SORCS1: variants seen among roughly 807,000 people sequenced by gnomAD.
SORCS1 encodes VPS10 domain-containing receptor SorCS1.
A neutral mutation model predicts 146.1 loss-of-function variants in SORCS1; 60 were observed. The observed-to-expected ratio is 0.41, with a 90% CI of 0.33 to 0.51. The LOEUF (loss-of-function observed/expected upper bound fraction) is 0.51. Ranked by LOEUF, SORCS1 falls within the 20% of genes least tolerant of loss-of-function variation. SORCS1 has a pLI of 0.21. For synonymous variants in SORCS1, 637 were observed against 584.0 expected, an observed-to-expected ratio of 1.09 and a Z score of -1.31; for missense variants, 1,352 against 1,487.6, an observed-to-expected ratio of 0.91 and a Z score of 1.50.
intron 5 of SORCS1, among the ~76,000 whole-genome samples, chr10:106,735,599 T>C (rs1856893770): frequency 6.6e-6 from 1 of 152,106 alleles, no homozygotes; most frequent in African/African-American, 2.4e-5. Context: ...TACAGACAAA[T>C]AGCAGGTACT....
chr10:107,083,952 G>C (rs1363828845), intron 1 of SORCS1, among the ~76,000 whole-genome samples: 1 of 152,044 alleles, frequency 6.6e-6, no homozygotes, highest in Non-Finnish European at 1.5e-5. Context: ...CTCAGGTTTG[G>C]ATTACTCTGA....
chr10:106,897,256 C>T (rs1031775581), intron 2 of SORCS1, among the ~76,000 whole-genome samples: 3 of 152,026 alleles, frequency 2.0e-5, no homozygotes, highest in Admixed American at 1.3e-4. Flanking sequence ...TCACAGTTCT[C>T]TAGACTCAAG....
intron 1 of SORCS1, among the ~76,000 whole-genome samples, chr10:107,028,838 C>T (rs183834050): frequency 2.0e-5 from 3 of 152,300 alleles, no homozygotes; most frequent in Admixed American, 2.0e-4. Flanking sequence ...ATGCTTACTT[C>T]TAAATCAAGG....
chr10:107,072,768 G>A (rs1590071034), intron 1 of SORCS1, among the ~76,000 whole-genome samples: 1 of 146,258 alleles, frequency 6.8e-6, no homozygotes, highest in East Asian at 2.0e-4. Context: ...AAGAACCACC[G>A]AGATAACAAG....
intron 18 of SORCS1, among the ~76,000 whole-genome samples, chr10:106,634,006 C>T (rs1287510895): frequency 6.6e-6 from 1 of 152,166 alleles, no homozygotes; most frequent in Non-Finnish European, 1.5e-5. Flanking sequence ...ATAGCACAAG[C>T]AGATGCTATT....
chr10:106,605,317 C>T (rs972956986), intron 23 of SORCS1, among the ~76,000 whole-genome samples: 13 of 152,100 alleles, frequency 8.5e-5, no homozygotes, highest in African/African-American at 2.9e-4. Flanking sequence ...CAGAATGGAC[C>T]CCTCTTCTTT....
chr10:106,723,417 A>ACACG (rs1855920678), intron 6 of SORCS1, among the ~76,000 whole-genome samples: 2 of 151,820 alleles, frequency 1.3e-5, no homozygotes, highest in Non-Finnish European at 2.9e-5. Flanking sequence ...ACACACACAC[A>ACACG]CAGAATATTT....
intron 14 of SORCS1, among the ~76,000 whole-genome samples, chr10:106,673,223 C>G (rs1851744586): frequency 6.6e-6 from 1 of 151,742 alleles, no homozygotes; most frequent in African/African-American, 2.4e-5. Flanking sequence ...CCCCTGACTC[C>G]CTGGTTCAAG....
chr10:107,128,434 T>C (rs1966830297), intron 1 of SORCS1, among the ~76,000 whole-genome samples: 2 of 152,194 alleles, frequency 1.3e-5, no homozygotes, highest in Non-Finnish European at 2.9e-5. Flanking sequence ...AGAGTCTAGA[T>C]TTTGAAATCA....
chr10:106,722,332 T>C (rs1233867885), intron 6 of SORCS1, among the ~76,000 whole-genome samples: 1 of 152,182 alleles, frequency 6.6e-6, no homozygotes, highest in African/African-American at 2.4e-5. Flanking sequence ...CAGCAGCGCT[T>C]ACCTTATCCA....
chr10:106,805,106 T>G (rs963375295), intron 3 of SORCS1, among the ~76,000 whole-genome samples: 1 of 152,146 alleles, frequency 6.6e-6, no homozygotes, highest in Non-Finnish European at 1.5e-5. Context: ...CCAAAGGACT[T>G]GAAAAGGTAT....
At chr10:107,118,103 C>G (rs939755637) in intron 1 of SORCS1, among the ~76,000 whole-genome samples, 4 of 152,076 alleles carry the variant, frequency 2.6e-5, no homozygotes, top group African/African-American at 9.7e-5. Context: ...GTGGGGCCTA[C>G]AGGAGGTGTA....
chr10:107,119,750 T>C (rs1966276374), intron 1 of SORCS1, among the ~76,000 whole-genome samples: 1 of 152,182 alleles, frequency 6.6e-6, no homozygotes, highest in Non-Finnish European at 1.5e-5. Flanking sequence ...TAATAACCTA[T>C]AGAATTTGGG....
At chr10:106,688,118 T>C in intron 10 of SORCS1, 74 bp downstream of exon 10, 1 of 1,555,502 alleles carries the variant, frequency 6.4e-7, no homozygotes, top group Non-Finnish European at 8.7e-7. Flanking sequence ...CCCAGAACTA[T>C]CCTCACCCTC....
At chr10:106,877,680 C>T (rs1156868301) in intron 2 of SORCS1, among the ~76,000 whole-genome samples, 1 of 152,036 alleles carries the variant, frequency 6.6e-6, no homozygotes, top group African/African-American at 2.4e-5. Context: ...ATATGCCGGT[C>T]CTGACAGAAT....
intron 20 of SORCS1, chr10:106,620,184 A>T (rs4918241): frequency 0.23 from 86,781 of 379,540 alleles, 12,402 homozygotes; most frequent in East Asian, 0.49. Context: ...AAAGACAAGT[A>T]CAGCTGGAGA....
At chr10:107,041,141 C>T (rs1252318622) in intron 1 of SORCS1, among the ~76,000 whole-genome samples, 4 of 151,866 alleles carry the variant, frequency 2.6e-5, no homozygotes, top group African/African-American at 9.7e-5. Flanking sequence ...AAGAAAAATG[C>T]AAGTTCAGAA....
chr10:106,882,290 A>G (rs866036924), intron 2 of SORCS1, among the ~76,000 whole-genome samples: 2 of 151,854 alleles, frequency 1.3e-5, no homozygotes, highest in Non-Finnish European at 2.9e-5. Flanking sequence ...AAAAAAAATC[A>G]CCAAAAAAGT....
At chr10:106,666,823 C>A (rs1851196826) in intron 17 of SORCS1, among the ~76,000 whole-genome samples, 2 of 151,908 alleles carry the variant, frequency 1.3e-5, no homozygotes, top group African/African-American at 4.8e-5. Context: ...ACCTTAGCCT[C>A]CCAAAGTGCA....
Sources: allele counts gnomAD v4.1 joint callset (sites outside exome capture counted in the v4.1 genomes callset), GRCh38; gene constraint gnomAD v4.1.1; transcripts MANE v1.5; gene names NCBI Gene and HGNC (gene_info 2026-07-23, HGNC 2026-07-21).